The following EPS8 variants were observed in gnomAD, a reference collection of about 807,000 sequenced individuals.
The protein encoded by EPS8 is epidermal growth factor receptor kinase substrate 8.
In EPS8, 42 loss-of-function variants were observed where a neutral mutation model predicts 103.8. That is an observed-to-expected ratio of 0.40 (90% CI 0.32 to 0.52). The LOEUF is 0.52. Ranked by LOEUF, EPS8 falls within the 20% of genes least tolerant of loss-of-function variation. The pLI is 0.40. For missense variants in EPS8, 969 were observed against 1,005.1 expected, an observed-to-expected ratio of 0.96 and a Z score of 0.49; for synonymous variants, 344 against 344.6, an observed-to-expected ratio of 1.00 and a Z score of 0.02.
intron 1 of EPS8, among the ~76,000 whole-genome samples, chr12:15,729,450 CCTT>C: frequency 6.6e-6 from 1 of 152,112 alleles, no homozygotes; most frequent in South Asian, 2.1e-4. Context: ...TCAGTTTTTT[CCTT>C]CTTCTTATGG....
chr12:15,785,163 T>G lies in EPS8; in HGVS notation c.-22+3998A>C, dbSNP rs1380870828. 2.0e-5 allele frequency among the ~76,000 whole-genome samples: 3 copies of G among 152,150 alleles called. No individual in the cohort carries two copies. In the South Asian group the frequency reaches 6.2e-4, roughly 31 times the overall value. On this transcript the variant is annotated intron_variant, in intron 1 of 20. Transcript: ENST00000281172. The surrounding 1 kb of genome is among the most constrained non-coding windows in gnomAD (Gnocchi z 4.9). ...AGGAATCCCAAGGTGGAATGCAGAT[T>G]GTAACAAAGAAATCTAACTGTATTA...
rs937386699 is a variant in EPS8, at chr12:15,725,249, G to A, written c.-21-42277C>T. Among the ~76,000 whole-genome samples the A allele has an allele frequency of 1.3e-5, 2 of 152,022 alleles. No individual in the cohort carries two copies. The highest frequency in any genetic ancestry group is 4.8e-5 in the African/African-American group (2 of 41,384). Reference sequence around the variant, plus strand: ...ATGGGGACTGTCTGGAATTTTAGCAGCAATGTGCTTTATCTCATACCACTA... The same window carrying A: ...ATGGGGACTGTCTGGAATTTTAGCAACAATGTGCTTTATCTCATACCACTA... On this transcript the variant is annotated intron_variant, in intron 1 of 20. Transcript: ENST00000281172. This position sits in a 1 kb window ranked among gnomAD's most constrained non-coding sequence, Gnocchi z 4.5.
chr12:15,686,452 C>T (rs1174917072), intron 1 of EPS8, among the ~76,000 whole-genome samples: 1 of 152,036 alleles, frequency 6.6e-6, no homozygotes, highest in Non-Finnish European at 1.5e-5. Context: ...GCATCAATTT[C>T]CTTATGAAAA....
Position 15,780,481 on chromosome 12 carries a change from A to ACAC in EPS8, c.-22+8679_-22+8680insGTG. The ACAC allele has an allele frequency of 1.7e-5, 2 of 117,548 alleles. No individual in the cohort carries two copies. The highest frequency in any genetic ancestry group is 6.2e-5 in the African/African-American group (2 of 32,362). The allele number at this position is 117,548 out of a possible 1,614,324, so 7.3% of individuals were successfully genotyped here. Reference sequence around the variant, plus strand: ...CTCCTTTCTGCTATGTGCTGGGATAAACACACACACACACACACACACACA... The same window carrying ACAC: ...CTCCTTTCTGCTATGTGCTGGGATAACACACACACACACACACACACACACACA... On this transcript the variant is annotated intron_variant, in intron 1 of 20. Coordinates refer to ENST00000281172, the MANE Select transcript of EPS8 (RefSeq NM_004447.6). This position sits in a 1 kb window ranked among gnomAD's most constrained non-coding sequence, Gnocchi z 4.1.
chr12:15,659,402 T>C (rs1299145041), intron 10 of EPS8, among the ~76,000 whole-genome samples: 1 of 152,078 alleles, frequency 6.6e-6, no homozygotes. Flanking sequence ...AAAAACTGGA[T>C]ACAGGAGATG....
chr12:15,623,154 A>G lies in EPS8; in HGVS notation c.2355+4T>C, dbSNP rs1186360750. 6.2e-7 allele frequency: 1 copy of G among 1,601,416 alleles called. No homozygotes were observed. Among genetic ancestry groups the G allele is most frequent in the South Asian group, 1.1e-5 (1 of 87,588 alleles). On this transcript the variant is annotated splice_donor_region_variant and intron_variant, in intron 20 of 20. Transcript: ENST00000281172. ...AAACACCACCTTAGGTTGACAAGTC[A>G]TACCTCCAATGCAGCTTTTTGTACA...
chr12:15,663,658 C>A (rs568067103), intron 8 of EPS8, among the ~76,000 whole-genome samples: 23 of 152,090 alleles, frequency 1.5e-4, no homozygotes, highest in Admixed American at 1.1e-3. Context: ...GGCATGGTGG[C>A]TCACGCCTGT....
At chr12:15,624,481 CTA>C (rs1247206454) in intron 18 of EPS8, 74 bp from the exon 19 acceptor site, 1 of 1,188,284 alleles carries the variant, frequency 8.4e-7, no homozygotes. Flanking sequence ...ACCCCAATCT[CTA>C]TAATCCTTGA....
intron 1 of EPS8, among the ~76,000 whole-genome samples, chr12:15,744,699 G>A (rs545022874): frequency 6.6e-6 from 1 of 152,254 alleles, no homozygotes; most frequent in South Asian, 2.1e-4. Context: ...GTAAAGGCTG[G>A]TTTCAAACTT....
In EPS8 at chr12:15,731,667, T is replaced by C. The variant is rs11056606; in HGVS notation, c.-21-48695A>G. ...CTAAAGATTCTAAGAGCTAAAGTAT[T>C]TTCTGAATAGAGAAGATTTTTTTCT... On this transcript the variant is annotated intron_variant, in intron 1 of 20. Transcript: ENST00000281172. This position sits in a 1 kb window ranked among gnomAD's most constrained non-coding sequence, Gnocchi z 5.1. Among the ~76,000 whole-genome samples the C allele has an allele frequency of 0.012, 1,862 of 152,324 alleles. 30 individuals are homozygous for C. The highest frequency in any genetic ancestry group is 0.037 in the African/African-American group (1,535 of 41,568).
intron 8 of EPS8, chr12:15,662,302 T>A (rs1945619911): frequency 7.4e-6 from 10 of 1,349,468 alleles, no homozygotes; most frequent in Non-Finnish European, 9.5e-6. Flanking sequence ...AGAGCTTAAG[T>A]ATTAGTCCTC....
rs532814733 is a variant in EPS8, at chr12:15,713,387, T to C, written c.-21-30415A>G. 6.6e-6 allele frequency: 1 copy of C among 152,316 alleles called. No individual in the cohort carries two copies. The highest frequency in any genetic ancestry group is 6.5e-5 in the Admixed American group (1 of 15,302). The allele number at this position is 152,316 out of a possible 1,614,324, so 9.4% of individuals were successfully genotyped here. On this transcript the variant is annotated intron_variant, in intron 1 of 20. Transcript: ENST00000281172. The surrounding 1 kb of genome is among the most constrained non-coding windows in gnomAD (Gnocchi z 4.8). ...TACATAGCTTTACTTGCAATAAAGA[T>C]AATTCCCTGATGCTAAACCAAAGCC...
At chr12:15,627,376 T>C (rs1944967335) in intron 18 of EPS8, among the ~76,000 whole-genome samples, 1 of 152,168 alleles carries the variant, frequency 6.6e-6, no homozygotes, top group Admixed American at 6.5e-5. Flanking sequence ...GCTTCCCTTT[T>C]TTGCTTGCAT....
At chr12:15,765,815 T>C (rs1305049812) in intron 1 of EPS8, among the ~76,000 whole-genome samples, 1 of 150,032 alleles carries the variant, frequency 6.7e-6, no homozygotes, top group South Asian at 2.1e-4. Flanking sequence ...TTTTTTTTTT[T>C]GGTTTTTTTT....
chr12:15,679,848 T>C (rs1435915415), intron 3 of EPS8, among the ~76,000 whole-genome samples: 1 of 152,210 alleles, frequency 6.6e-6, no homozygotes, highest in East Asian at 1.9e-4. Context: ...ACTTAATAAA[T>C]ACTGCACTTA....
At chr12:15,723,292 C>T (rs897420931) in intron 1 of EPS8, among the ~76,000 whole-genome samples, 2 of 152,148 alleles carry the variant, frequency 1.3e-5, no homozygotes, top group South Asian at 4.1e-4. Context: ...GCCTGAGCAA[C>T]AGAGTGAGAC....
At chr12:15,632,909 C>T (rs186043506) in intron 17 of EPS8, among the ~76,000 whole-genome samples, 5 of 152,274 alleles carry the variant, frequency 3.3e-5, no homozygotes, top group Admixed American at 2.6e-4. Context: ...CGCTCTACTA[C>T]TCACTGACCA....
rs981051875 is a variant in EPS8, at chr12:15,684,085, A to G, written c.-21-1113T>C. ...TCTAGTGGGGGGAAACAGATAATGA[A>G]TAAGTGTAAAATTTTAAGTTGTACT... On this transcript the variant is annotated intron_variant, in intron 1 of 20. Coordinates refer to ENST00000281172, the MANE Select transcript of EPS8 (RefSeq NM_004447.6). The surrounding 1 kb of genome is among the most constrained non-coding windows in gnomAD (Gnocchi z 4.9). 8 of 152,214 alleles carry G rather than the reference A, an allele frequency of 5.3e-5. No individual in the cohort carries two copies. Among genetic ancestry groups the G allele is most frequent in the African/African-American group, 7.2e-5 (3 of 41,460 alleles). The allele number at this position is 152,214 out of a possible 1,614,324, so 9.4% of individuals were successfully genotyped here.
At chr12:15,703,621 T>C (rs1445258072) in intron 1 of EPS8, among the ~76,000 whole-genome samples, 2 of 151,820 alleles carry the variant, frequency 1.3e-5, no homozygotes, top group African/African-American at 4.9e-5. Context: ...AGGGGCCTTG[T>C]AGAGCATATA....
Sources: allele counts gnomAD v4.1 joint callset (sites outside exome capture counted in the v4.1 genomes callset), GRCh38; gene constraint gnomAD v4.1.1; non-coding constraint Gnocchi (gnomAD v3.1); transcripts MANE v1.5; gene names NCBI Gene and HGNC (gene_info 2026-07-23, HGNC 2026-07-21).